PLCH1: variants seen among roughly 807,000 people sequenced by gnomAD.
PLCH1 encodes the protein 1-phosphatidylinositol 4,5-bisphosphate phosphodiesterase eta-1.
Under a neutral mutation model 126.7 loss-of-function variants are expected in PLCH1, and 60 were observed. The observed-to-expected ratio is 0.47, with a 90% CI of 0.38 to 0.59. The LOEUF is 0.59. PLCH1 is among the 20% of genes least tolerant of loss of function. PLCH1 has a pLI of 0.00. For synonymous variants in PLCH1, 719 were observed against 734.9 expected (o/e 0.98, Z 0.35); for missense variants, 1,723 against 2,040.0 (o/e 0.84, Z 2.99).
chr3:155,712,793 T>A (rs1048752587), intron 1 of PLCH1, among the ~76,000 whole-genome samples: 11 of 151,826 alleles, frequency 7.2e-5, no homozygotes, highest in Middle Eastern at 3.4e-3. Flanking sequence ...GGCCCTTTTT[T>A]TTTTCTAAGT....
chr3:155,466,718 T>C (rs895515271), intron 21 of PLCH1, among the ~76,000 whole-genome samples: 8 of 152,194 alleles, frequency 5.3e-5, no homozygotes, highest in African/African-American at 1.7e-4. Context: ...AATAGCTGTC[T>C]TGAGGAAACT....
chr3:155,460,493 A>AC (rs1712670367), intron 21 of PLCH1, among the ~76,000 whole-genome samples: 1 of 152,112 alleles, frequency 6.6e-6, no homozygotes, highest in South Asian at 2.1e-4. Context: ...TAGTCTCTGA[A>AC]TGTCTAATGG....
intron 7 of PLCH1, among the ~76,000 whole-genome samples, chr3:155,565,647 C>T (rs1047786656): frequency 4.7e-4 from 71 of 151,992 alleles, no homozygotes; most frequent in African/African-American, 1.6e-3. Flanking sequence ...TTATAAATTA[C>T]CTAGCCTCGG....
At chr3:155,675,746 T>C (rs1744020578) in intron 2 of PLCH1, among the ~76,000 whole-genome samples, 1 of 152,210 alleles carries the variant, frequency 6.6e-6, no homozygotes, top group Admixed American at 6.5e-5. Flanking sequence ...CTGACCATTT[T>C]AATATAATGA....
intron 2 of PLCH1, among the ~76,000 whole-genome samples, chr3:155,599,140 T>C (rs1488045994): frequency 1.3e-5 from 2 of 151,662 alleles, no homozygotes; most frequent in African/African-American, 2.4e-5. Flanking sequence ...GCATCCAGCA[T>C]TGTGAGTAAT....
intron 8 of PLCH1, among the ~76,000 whole-genome samples, chr3:155,557,704 T>C (rs1431612800): frequency 6.6e-6 from 1 of 152,142 alleles, no homozygotes; most frequent in Non-Finnish European, 1.5e-5. Flanking sequence ...CCCCTGCTCA[T>C]AAAAGAGCCG....
At chr3:155,670,091 T>C (rs187537808) in intron 2 of PLCH1, among the ~76,000 whole-genome samples, 78 of 152,334 alleles carry the variant, frequency 5.1e-4, no homozygotes, top group Admixed American at 5.1e-3. Flanking sequence ...AAATCAAGAT[T>C]GCTTGTTTTT....
At chr3:155,575,317 C>T (rs528901526) in intron 6 of PLCH1, among the ~76,000 whole-genome samples, 1 of 151,980 alleles carries the variant, frequency 6.6e-6, no homozygotes, top group Admixed American at 6.6e-5. Context: ...TTAGAATGAC[C>T]ATAACTCTTA....
intron 1 of PLCH1, among the ~76,000 whole-genome samples, chr3:155,724,080 A>G (rs1386801931): frequency 6.6e-6 from 1 of 152,022 alleles, no homozygotes; most frequent in Admixed American, 6.6e-5. Flanking sequence ...TGGATATCCA[A>G]TTTTATTCCA....
intron 2 of PLCH1, among the ~76,000 whole-genome samples, chr3:155,654,285 C>G (rs962356640): frequency 6.6e-6 from 1 of 151,994 alleles, no homozygotes; most frequent in Admixed American, 6.6e-5. Flanking sequence ...TCTGGAGGAG[C>G]CCAGGACTCA....
intron 2 of PLCH1, among the ~76,000 whole-genome samples, chr3:155,675,508 C>T (rs1026250809): frequency 1.3e-5 from 2 of 152,120 alleles, no homozygotes; most frequent in Non-Finnish European, 2.9e-5. Context: ...TTTTATAGAG[C>T]TAATTATTTT....
chr3:155,714,298 G>T (rs1037771099), intron 1 of PLCH1, among the ~76,000 whole-genome samples: 2 of 152,112 alleles, frequency 1.3e-5, no homozygotes, highest in Non-Finnish European at 2.9e-5. Context: ...GGTGGGAGGG[G>T]CCAGGGATCC....
At position 155,556,752 on chromosome 3, in the gene PLCH1, A is replaced by C. The variant is rs60887325; in HGVS notation, c.1070-2556T>G. On this transcript the variant is annotated intron_variant, in intron 8 of 22. Transcript: ENST00000460012. Reference sequence around the variant, plus strand: ...TACCCTTCAAGGATAAATTCTCAACACTGCAACACAGAAACTGCCTGAATT... The same window carrying C: ...TACCCTTCAAGGATAAATTCTCAACCCTGCAACACAGAAACTGCCTGAATT... Among the ~76,000 whole-genome samples, 994 of 152,324 alleles carry C rather than the reference A, an allele frequency of 6.5e-3. 10 individuals are homozygous for C. Among genetic ancestry groups the C allele is most frequent in the African/African-American group, 0.023 (942 of 41,572 alleles).
chr3:155,669,834 G>A lies in PLCH1; in HGVS notation c.79+34312C>T, dbSNP rs117232991. On this transcript the variant is annotated intron_variant, in intron 2 of 22. Transcript: ENST00000460012. ...TTTCAACAAGTAGAAATAGGAAGGT[G>A]GAGATATGAAATGGCTCACACGATG... 3.5e-4 allele frequency among the ~76,000 whole-genome samples: 53 copies of A among 152,284 alleles called. No individual in the cohort carries two copies. The East Asian group carries it at 8.5e-3, about 24-fold the overall frequency.
chr3:155,455,133 T>A (rs1347755005), intron 21 of PLCH1, among the ~76,000 whole-genome samples: 1 of 152,184 alleles, frequency 6.6e-6, no homozygotes, highest in East Asian at 1.9e-4. Flanking sequence ...AGGATATTTG[T>A]GTCACCGGAA....
intron 12 of PLCH1, among the ~76,000 whole-genome samples, chr3:155,505,594 G>A (rs942638063): frequency 7.9e-5 from 12 of 152,158 alleles, no homozygotes; most frequent in Admixed American, 6.5e-4. Flanking sequence ...GCAAGTAGGG[G>A]TAGGAAGAGA....
At chr3:155,620,292 T>C (rs552809180) in intron 2 of PLCH1, among the ~76,000 whole-genome samples, 1 of 152,322 alleles carries the variant, frequency 6.6e-6, no homozygotes, top group African/African-American at 2.4e-5. Flanking sequence ...AAGTCTGAAT[T>C]CAGAAATAGT....
Position 155,494,425 on chromosome 3 carries a change from G to T in PLCH1, c.1987C>A (p.Gln663Lys). Reference protein sequence around the residue: ...SEQFMIYNQKQLTRIYPSAYR... With the variant: ...SEQFMIYNQKKLTRIYPSAYR... The stretch of plus-strand genomic sequence containing the variant: ...GCAGAGGGGTAAATCCTCGTGAGTT[G>T]CTTTTGATTATAAATCATGAACTGC... The change falls in exon 16 of 23, where the codon CAA becomes AAA. Residue 663 changes from glutamine to lysine, a missense_variant. Physicochemically the swap from Gln to Lys is moderately conservative, Grantham distance 53. Transcript: ENST00000460012. The T allele has an allele frequency of 6.2e-7, 1 of 1,613,896 alleles. No homozygotes were observed. The highest frequency in any genetic ancestry group is 8.5e-7 in the Non-Finnish European group (1 of 1,179,784).
At chr3:155,504,750 A>T (rs959769224) in intron 12 of PLCH1, 124 bp from the exon 13 acceptor site, 1 of 638,954 alleles carries the variant, frequency 1.6e-6, no homozygotes, top group African/African-American at 1.8e-5. Context: ...AGAAACAAGC[A>T]GACTCCACTC....
Sources: allele counts gnomAD v4.1 joint callset (sites outside exome capture counted in the v4.1 genomes callset), GRCh38; gene constraint gnomAD v4.1.1; transcripts MANE v1.5; gene names NCBI Gene and HGNC (gene_info 2026-07-23, HGNC 2026-07-21).